PRRC2C: variants seen among roughly 807,000 people sequenced by gnomAD.
PRRC2C encodes the protein proline rich coiled-coil 2C.
A neutral mutation model predicts 317.2 loss-of-function variants in PRRC2C; 72 were observed. The ratio of observed to expected loss-of-function variants is 0.23; its 90% confidence interval spans 0.19 to 0.28. The LOEUF (loss-of-function observed/expected upper bound fraction) is 0.28. PRRC2C is among the 10% of genes least tolerant of loss of function. The pLI, the probability that PRRC2C is intolerant of heterozygous loss-of-function variation, is 1.00. For synonymous variants in PRRC2C, 1,296 were observed against 1,205.9 expected, an observed-to-expected ratio of 1.07 and a Z score of -1.55; for missense variants, 3,074 against 3,459.7, an observed-to-expected ratio of 0.89 and a Z score of 2.80.
chr1:171,517,106 T>G (rs1381578492), intron 5 of PRRC2C, among the ~76,000 whole-genome samples: 1 of 152,214 alleles, frequency 6.6e-6, no homozygotes, highest in East Asian at 1.9e-4. Flanking sequence ...TTTATTTGGT[T>G]AAGTGTAATT....
At chr1:171,585,041 T>C (rs544555193) in intron 30 of PRRC2C, among the ~76,000 whole-genome samples, 17 of 152,154 alleles carry the variant, frequency 1.1e-4, no homozygotes, top group Non-Finnish European at 2.4e-4. Flanking sequence ...CCTTCCAAAG[T>C]GTTGGGATTA....
At chr1:171,513,477 A>C (rs2294291) in intron 3 of PRRC2C, 42,934 of 493,430 alleles carry the variant, frequency 0.087, 2,373 homozygotes, top group East Asian at 0.22. Flanking sequence ...TATGATTAAG[A>C]GTTGACTCCG....
At chr1:171,538,440 A>G (rs1049309038) in intron 15 of PRRC2C, among the ~76,000 whole-genome samples, 1 of 152,240 alleles carries the variant, frequency 6.6e-6, no homozygotes, top group African/African-American at 2.4e-5. Context: ...CAATAATACA[A>G]AGTTAACTTT....
chr1:171,527,124 A>G (rs1472931078), intron 10 of PRRC2C, among the ~76,000 whole-genome samples: 1 of 147,336 alleles, frequency 6.8e-6, no homozygotes, highest in Non-Finnish European at 1.5e-5. Flanking sequence ...TCTAATAGAT[A>G]TATCTTTTCT....
At chr1:171,590,037 C>T (rs535359487) in intron 34 of PRRC2C, among the ~76,000 whole-genome samples, 8 of 149,414 alleles carry the variant, frequency 5.4e-5, no homozygotes, top group Middle Eastern at 3.5e-3. Context: ...CCTGACTCTC[C>T]TCCTCCCAGC....
chr1:171,581,445 A>G (rs1197365197), intron 28 of PRRC2C, among the ~76,000 whole-genome samples: 1 of 152,186 alleles, frequency 6.6e-6, no homozygotes, highest in East Asian at 1.9e-4. Context: ...GCAATGTACT[A>G]TATTTGTAAT....
At position 171,561,059 on chromosome 1, in the gene PRRC2C, T is replaced by C; in HGVS notation, c.6073T>C (p.Trp2025Arg). The C allele has an allele frequency of 6.2e-7, 1 of 1,608,748 alleles. No individual in the cohort carries two copies. The highest frequency in any genetic ancestry group is 1.1e-5 in the South Asian group (1 of 90,982). ...ACCACAGCCACCTTCAGTCAGTGCA[T>C]GGAATAAGCCCTTAACATCGTTTGG... ...SPPQPPSVSA[W>R]NKPLTSFGSA... Residue 2025 changes from tryptophan to arginine, a missense_variant, in exon 20 of 35, where the codon TGG becomes CGG. Physicochemically the swap from Trp to Arg is moderately radical, Grantham distance 101 (BLOSUM62 -3). Transcript: ENST00000647382.
At chr1:171,515,897 A>G (rs1304554945) in intron 5 of PRRC2C, 38 bp downstream of exon 5, 1 of 1,541,000 alleles carries the variant, frequency 6.5e-7, no homozygotes, top group Non-Finnish European at 8.7e-7. Context: ...ATGAGATCAT[A>G]TTTGTGTATT....
At chr1:171,529,131 C>T (rs1023022626) in intron 11 of PRRC2C, among the ~76,000 whole-genome samples, 2 of 152,140 alleles carry the variant, frequency 1.3e-5, no homozygotes, top group Non-Finnish European at 2.9e-5. Flanking sequence ...TCTGAGACAC[C>T]TCGCTATTTT....
chr1:171,576,205 G>T (rs983137957), intron 25 of PRRC2C, among the ~76,000 whole-genome samples: 1 of 152,198 alleles, frequency 6.6e-6, no homozygotes, highest in Non-Finnish European at 1.5e-5. Flanking sequence ...TTTGGGATGG[G>T]GGGGTTAGTG....
chr1:171,570,958 G>C (rs948095005), intron 23 of PRRC2C, among the ~76,000 whole-genome samples: 3 of 152,106 alleles, frequency 2.0e-5, no homozygotes, highest in Admixed American at 6.6e-5. Flanking sequence ...AGCATTTCAG[G>C]CCTTAACATA....
At chr1:171,565,951 A>G (rs1683568596) in intron 20 of PRRC2C, among the ~76,000 whole-genome samples, 1 of 152,142 alleles carries the variant, frequency 6.6e-6, no homozygotes, top group African/African-American at 2.4e-5. Flanking sequence ...GTTTGTTTTA[A>G]ATGAGGAAAC....
intron 11 of PRRC2C, among the ~76,000 whole-genome samples, chr1:171,530,787 A>G (rs146581727): frequency 6.6e-6 from 1 of 152,280 alleles, no homozygotes; most frequent in African/African-American, 2.4e-5. Context: ...AGCAGCTGGC[A>G]CCCTTATACA....
Position 171,566,358 on chromosome 1 carries a change from A to G in PRRC2C, c.6243A>G (p.Lys2081=), listed in dbSNP as rs758137972. ...TGCTTTCGGAAAAATCTGCTGACAA[A>G]ATACCTGAACCTAAAGAACAGCGGC... ...VPVLSEKSAD[K]IPEPKEQRQK... Residue 2081 remains lysine, a synonymous_variant, in exon 21 of 35, where the codon AAA becomes AAG. Transcript: ENST00000647382. 8.5e-5 allele frequency: 136 copies of G among 1,597,838 alleles called. No individual in the cohort carries two copies. Among genetic ancestry groups the G allele is most frequent in the Non-Finnish European group, 1.1e-4 (129 of 1,171,896 alleles).
intron 32 of PRRC2C, 29 bp from the exon 33 acceptor site, chr1:171,588,350 A>G (rs1486347529): frequency 4.3e-6 from 7 of 1,610,960 alleles, no homozygotes; most frequent in Middle Eastern, 3.3e-4. Flanking sequence ...TGGTATTACT[A>G]TACTGACTAG....
intron 17 of PRRC2C, among the ~76,000 whole-genome samples, chr1:171,547,379 A>G (rs1319473225): frequency 6.6e-6 from 1 of 152,204 alleles, no homozygotes; most frequent in Non-Finnish European, 1.5e-5. Context: ...ATAATAAGAT[A>G]GGCTTTACAC....
intron 24 of PRRC2C, among the ~76,000 whole-genome samples, chr1:171,573,009 T>C (rs918230361): frequency 6.6e-6 from 1 of 152,174 alleles, no homozygotes; most frequent in Non-Finnish European, 1.5e-5. Flanking sequence ...TTATTATCAG[T>C]GGGTTCATGA....
chr1:171,497,922 C>T (rs1454093968), intron 1 of PRRC2C, among the ~76,000 whole-genome samples: 1 of 151,578 alleles, frequency 6.6e-6, no homozygotes, highest in Non-Finnish European at 1.5e-5. Flanking sequence ...TCCAGTGAGC[C>T]TCCCATCTTG....
intron 18 of PRRC2C, among the ~76,000 whole-genome samples, chr1:171,555,394 G>A (rs180919130): frequency 3.3e-5 from 5 of 152,298 alleles, no homozygotes; most frequent in African/African-American, 9.6e-5. Context: ...TAGTTTCCTT[G>A]TGATGGGTTT....
Sources: allele counts gnomAD v4.1 joint callset (sites outside exome capture counted in the v4.1 genomes callset), GRCh38; gene constraint gnomAD v4.1.1; transcripts MANE v1.5; gene names NCBI Gene and HGNC (gene_info 2026-07-23, HGNC 2026-07-21).